The following METTL16 variants were observed in gnomAD, a reference collection of about 807,000 sequenced individuals.
METTL16 encodes the protein RNA N(6)-adenosine-methyltransferase METTL16.
A neutral mutation model predicts 57.9 loss-of-function variants in METTL16; 19 were observed. The observed-to-expected ratio is 0.33, with a 90% CI of 0.23 to 0.48. The LOEUF (loss-of-function observed/expected upper bound fraction) is 0.48. Ranked by LOEUF, METTL16 falls within the 20% of genes least tolerant of loss-of-function variation. The probability of loss-of-function intolerance (pLI) is 0.99; values close to 1 mark genes in which losing one functional copy is unlikely to be tolerated. For missense variants in METTL16, 434 were observed against 691.5 expected, an observed-to-expected ratio of 0.63 and a Z score of 4.18; for synonymous variants, 246 against 255.6, an observed-to-expected ratio of 0.96 and a Z score of 0.36.
chr17:2,441,844 C>T (rs2066954614), intron 6 of METTL16, among the ~76,000 whole-genome samples: 1 of 152,146 alleles, frequency 6.6e-6, no homozygotes, highest in Non-Finnish European at 1.5e-5. Flanking sequence ...GTAAAGAAGT[C>T]TCATCTGTCA....
chr17:2,504,792 C>T lies in METTL16; in HGVS notation c.1-2461G>A, dbSNP rs535746096. Among the ~76,000 whole-genome samples the T allele has an allele frequency of 1.1e-4, 16 of 152,068 alleles. No homozygotes were observed. In the East Asian group the frequency reaches 1.4e-3, roughly 13 times the overall value. On this transcript the variant is annotated intron_variant, in intron 1 of 9. Coordinates refer to ENST00000263092, the MANE Select transcript of METTL16 (RefSeq NM_024086.4). ...TCCCTTTGTTGCCCAGATTGGTTTCCGACTCCTGAGCTCAAGTGATCCTCC... is the reference window on the plus strand; with the variant it reads ...TCCCTTTGTTGCCCAGATTGGTTTCTGACTCCTGAGCTCAAGTGATCCTCC...
rs11427343 is a variant in METTL16, at chr17:2,420,659, T to TAA, written c.1063-65_1063-64dup. On this transcript the variant is annotated intron_variant, in intron 9 of 9. Coordinates refer to ENST00000263092, the MANE Select transcript of METTL16 (RefSeq NM_024086.4). The surrounding 1 kb of genome is among the most constrained non-coding windows in gnomAD (Gnocchi z 5.4). Reference sequence around the variant, plus strand: ...GTTTCCCCTCTCTCCAAACTCTCAATAAAAAAAAAAAGAAAAAAGAAAAAA... The same window carrying TAA: ...GTTTCCCCTCTCTCCAAACTCTCAATAAAAAAAAAAAAAGAAAAAAGAAAAAA... 7.0e-4 allele frequency: 889 copies of TAA among 1,265,976 alleles called. No homozygotes were observed. The East Asian group carries it at 0.011, about 15-fold the overall frequency. The allele number at this position is 1,265,976 out of a possible 1,614,324, so 78.4% of individuals were successfully genotyped here.
chr17:2,481,861 G>GAA (rs57386156), intron 2 of METTL16, among the ~76,000 whole-genome samples: 22 of 151,472 alleles, frequency 1.5e-4, no homozygotes, highest in African/African-American at 3.4e-4. Context: ...AGGCTTACAA[G>GAA]AAAAAAAAAT....
intron 1 of METTL16, among the ~76,000 whole-genome samples, chr17:2,511,442 G>T (rs1376141774): frequency 6.6e-6 from 1 of 152,028 alleles, no homozygotes; most frequent in East Asian, 1.9e-4. Flanking sequence ...CACTAGTCCT[G>T]CCACTGCCGT....
intron 2 of METTL16, among the ~76,000 whole-genome samples, chr17:2,496,270 G>A (rs1391359052): frequency 6.6e-6 from 1 of 151,598 alleles, no homozygotes; most frequent in African/African-American, 2.4e-5. Context: ...TACTTAGTTA[G>A]AAATATTTAA....
intron 8 of METTL16, among the ~76,000 whole-genome samples, chr17:2,436,283 T>G (rs748327142): frequency 1.3e-5 from 2 of 152,128 alleles, no homozygotes; most frequent in African/African-American, 2.4e-5. Context: ...AACCAGAGAC[T>G]ATTTCAAACA....
At chr17:2,464,517 C>T (rs2067176275) in intron 5 of METTL16, among the ~76,000 whole-genome samples, 167 bp from the exon 6 acceptor site, 1 of 152,148 alleles carries the variant, frequency 6.6e-6, no homozygotes, top group African/African-American at 2.4e-5. Context: ...TTATTTCAAA[C>T]AGCTACTTCA....
At chr17:2,511,500 G>A (rs1432848028) in intron 1 of METTL16, among the ~76,000 whole-genome samples, 3 of 152,024 alleles carry the variant, frequency 2.0e-5, no homozygotes, top group Non-Finnish European at 4.4e-5. Flanking sequence ...TCCCGCCTCA[G>A]TTTTGGATCT....
chr17:2,428,602 T>TATATATATATATATAA (rs376112549), intron 8 of METTL16, among the ~76,000 whole-genome samples: 12 of 94,986 alleles, frequency 1.3e-4, no homozygotes, highest in African/African-American at 5.6e-4. Flanking sequence ...TATATATATA[T>TATATATATATATATAA]AAATTGTAAT....
chr17:2,423,261 G>GGT (rs58486923), intron 8 of METTL16, among the ~76,000 whole-genome samples: 9,885 of 143,570 alleles, frequency 0.069, 346 homozygotes, highest in Non-Finnish European at 0.09. Context: ...AAAAACAAAG[G>GGT]GTGTGTGTGT....
chr17:2,492,551 C>G (rs576533024), intron 2 of METTL16, among the ~76,000 whole-genome samples: 1 of 152,026 alleles, frequency 6.6e-6, no homozygotes, highest in Non-Finnish European at 1.5e-5. Context: ...CCCTCCTTTT[C>G]AGGTGAGAAG....
chr17:2,474,429 A>G (rs2067256373), intron 3 of METTL16, among the ~76,000 whole-genome samples: 1 of 151,122 alleles, frequency 6.6e-6, no homozygotes, highest in South Asian at 2.1e-4. Flanking sequence ...GAGATAACTC[A>G]TCTCTCAGAT....
At chr17:2,498,101 G>A (rs1490064807) in intron 2 of METTL16, among the ~76,000 whole-genome samples, 1 of 151,394 alleles carries the variant, frequency 6.6e-6, no homozygotes, top group African/African-American at 2.5e-5. Flanking sequence ...GGCTGAGGCA[G>A]GAGAATGGCG....
Position 2,419,426 on chromosome 17 carries a change from C to G in METTL16, c.*544G>C, listed in dbSNP as rs569498375. On this transcript the variant is annotated 3_prime_UTR_variant, in exon 10 of 10. Transcript: ENST00000263092. ...GTCCCCAGACTCTGCTGCTCCTTCC[C>G]AGCATTACTAAGGTTTCTCTCCCAG... 96 of 317,296 alleles carry G rather than the reference C, an allele frequency of 3.0e-4. 3 individuals carry two copies. The highest frequency in any genetic ancestry group is 2.4e-3 in the South Asian group (96 of 40,624). 19.7% of individuals were successfully genotyped at this position (317,296 alleles called of 1,614,324 possible).
chr17:2,511,255 T>C (rs935134), intron 1 of METTL16, among the ~76,000 whole-genome samples: 19,801 of 151,846 alleles, frequency 0.13, 1,712 homozygotes, highest in East Asian at 0.34. Flanking sequence ...ATGCTTCTGT[T>C]TCCTTGGTTC....
At chr17:2,479,507 T>C (rs2067289586) in intron 2 of METTL16, among the ~76,000 whole-genome samples, 1 of 151,946 alleles carries the variant, frequency 6.6e-6, no homozygotes. Context: ...AGTCAGTAGA[T>C]GGGGTATGAA....
At chr17:2,441,049 A>G (rs1367294281) in intron 7 of METTL16, among the ~76,000 whole-genome samples, 1 of 152,072 alleles carries the variant, frequency 6.6e-6, no homozygotes, top group African/African-American at 2.4e-5. Context: ...GACTTGAATA[A>G]ACTTAAGTAT....
intron 3 of METTL16, chr17:2,475,435 C>G (rs983428326): frequency 1.3e-5 from 2 of 152,154 alleles, no homozygotes; most frequent in Admixed American, 6.5e-5. Context: ...ACTTTCGACT[C>G]TGTAGGAAAA....
chr17:2,508,346 C>A (rs2067562888), intron 1 of METTL16, among the ~76,000 whole-genome samples: 1 of 152,172 alleles, frequency 6.6e-6, no homozygotes, highest in Admixed American at 6.5e-5. Flanking sequence ...CAACTGCCTA[C>A]CATATTTCTC....
Sources: allele counts gnomAD v4.1 joint callset (sites outside exome capture counted in the v4.1 genomes callset), GRCh38; gene constraint gnomAD v4.1.1; non-coding constraint Gnocchi (gnomAD v3.1); transcripts MANE v1.5; gene names NCBI Gene and HGNC (gene_info 2026-07-23, HGNC 2026-07-21).